GTF2F2: variants seen among roughly 807,000 people sequenced by gnomAD.
GTF2F2 encodes general transcription factor IIF subunit 2.
GTF2F2 carries 23 observed loss-of-function variants against 42.2 expected under a neutral mutation model. That is an observed-to-expected ratio of 0.55 (90% confidence interval 0.39 to 0.77). The LOEUF is 0.77. GTF2F2 is among the 30% of genes least tolerant of loss of function. GTF2F2 has a pLI of 0.00. For synonymous variants in GTF2F2, 105 were observed against 100.8 expected, an observed-to-expected ratio of 1.04 and a Z score of -0.25; for missense variants, 261 against 287.2, an observed-to-expected ratio of 0.91 and a Z score of 0.66.
chr13:45,154,938 G>A (rs980072255), intron 4 of GTF2F2, among the ~76,000 whole-genome samples: 5 of 152,144 alleles, frequency 3.3e-5, no homozygotes. Flanking sequence ...AGAATTCTTA[G>A]TAGTTTATCT....
intron 6 of GTF2F2, among the ~76,000 whole-genome samples, chr13:45,254,097 G>A (rs1875994156): frequency 6.6e-6 from 1 of 151,282 alleles, no homozygotes; most frequent in Non-Finnish European, 1.5e-5. Flanking sequence ...GAAAGAAGAA[G>A]AGTGAGTACA....
intron 5 of GTF2F2, among the ~76,000 whole-genome samples, chr13:45,251,727 T>C (rs1875886330): frequency 1.3e-5 from 2 of 152,282 alleles, no homozygotes; most frequent in Non-Finnish European, 2.9e-5. Flanking sequence ...GAGTAGTTTC[T>C]CAGTGAGGAT....
intron 6 of GTF2F2, among the ~76,000 whole-genome samples, chr13:45,264,429 G>T (rs1359361794): frequency 1.3e-5 from 2 of 151,980 alleles, no homozygotes; most frequent in African/African-American, 4.8e-5. Flanking sequence ...ATACAGGCGT[G>T]TGCCACCACG....
chr13:45,137,488 G>A (rs908728874), intron 2 of GTF2F2, among the ~76,000 whole-genome samples: 9 of 152,328 alleles, frequency 5.9e-5, no homozygotes, highest in Middle Eastern at 3.4e-3. Flanking sequence ...TAGTGGCTTA[G>A]AACAAAAGCC....
At position 45,207,423 on chromosome 13, in the gene GTF2F2, G is replaced by A. The variant is rs761688676; in HGVS notation, c.305-1G>A. The A allele has an allele frequency of 1.3e-6, 2 of 1,583,170 alleles. No individual in the cohort carries two copies. The highest frequency in any genetic ancestry group is 1.7e-5 in the Admixed American group (1 of 59,440). On this transcript the variant is annotated splice_acceptor_variant, in intron 4 of 7. Transcript: ENST00000340473. LOFTEE classifies it high-confidence loss of function. ...TGAATCCTTTTTTTTTTCCATTCAA[G>A]ATAAGCTGTCATTGGAAGGAATAGT...
intron 5 of GTF2F2, among the ~76,000 whole-genome samples, chr13:45,243,399 G>T (rs923005896): frequency 1.3e-5 from 2 of 152,146 alleles, no homozygotes; most frequent in Non-Finnish European, 2.9e-5. Context: ...AACTCCGAGA[G>T]ATCTAGGTTG....
At chr13:45,219,053 G>A (rs1048281617) in intron 5 of GTF2F2, among the ~76,000 whole-genome samples, 1 of 151,984 alleles carries the variant, frequency 6.6e-6, no homozygotes, top group Non-Finnish European at 1.5e-5. Flanking sequence ...TAAAAAAAAG[G>A]CTGCTCAAAG....
intron 4 of GTF2F2, among the ~76,000 whole-genome samples, chr13:45,203,797 G>T (rs901305422): frequency 4.6e-5 from 7 of 152,122 alleles, no homozygotes; most frequent in African/African-American, 1.7e-4. Flanking sequence ...AGGCAGTTGA[G>T]AGCCTTTGTT....
At chr13:45,123,647 AC>A (rs1238031431) in intron 1 of GTF2F2, among the ~76,000 whole-genome samples, 1 of 151,116 alleles carries the variant, frequency 6.6e-6, no homozygotes, top group Non-Finnish European at 1.5e-5. Context: ...AAAAAAAAAA[AC>A]AACCAAAACC....
intron 1 of GTF2F2, among the ~76,000 whole-genome samples, chr13:45,127,938 CTT>C (rs1161627204): frequency 0.033 from 1,590 of 48,470 alleles, 23 homozygotes; most frequent in African/African-American, 0.12. Flanking sequence ...GCACCCCGGC[CTT>C]TTTTTTTTTT....
At chr13:45,170,251 C>T (rs944384426) in intron 4 of GTF2F2, among the ~76,000 whole-genome samples, 1 of 151,724 alleles carries the variant, frequency 6.6e-6, no homozygotes, top group East Asian at 1.9e-4. Context: ...TGGTCTCAGA[C>T]CCCCCCTGCC....
At position 45,244,578 on chromosome 13, in the gene GTF2F2, A is replaced by G. The variant is rs370936557; in HGVS notation, c.387-8293A>G. Among the ~76,000 whole-genome samples, 7 of 152,338 alleles carry G rather than the reference A, an allele frequency of 4.6e-5. No individual in the cohort carries two copies. The East Asian group carries it at 5.8e-4, about 13-fold the overall frequency. On this transcript the variant is annotated intron_variant, in intron 5 of 7. Transcript: ENST00000340473. The stretch of plus-strand genomic sequence containing the variant: ...TAATAATAGAAAGACTAGTAATTCA[A>G]GAAGTTGATCTTGACTGTTTCCTTA...
intron 1 of GTF2F2, among the ~76,000 whole-genome samples, chr13:45,126,841 G>C (rs564170560): frequency 1.3e-5 from 2 of 152,298 alleles, no homozygotes; most frequent in East Asian, 1.9e-4. Flanking sequence ...GTCAAGGGAG[G>C]TTTCCTTGAG....
chr13:45,205,767 C>T (rs1873388113), intron 4 of GTF2F2, among the ~76,000 whole-genome samples: 1 of 152,164 alleles, frequency 6.6e-6, no homozygotes, highest in Admixed American at 6.5e-5. Context: ...ATCTGCCTGC[C>T]TCGGCCTCCC....
At chr13:45,212,463 C>CTTTTCTTTCT (rs376424917) in intron 5 of GTF2F2, among the ~76,000 whole-genome samples, 1 of 27,486 alleles carries the variant, frequency 3.6e-5, no homozygotes, top group Non-Finnish European at 7.6e-5. Flanking sequence ...TTCTTTCTTT[C>CTTTTCTTTCT]TTTCTTTCTT....
chr13:45,230,027 C>T (rs917389541), intron 5 of GTF2F2, among the ~76,000 whole-genome samples: 1 of 151,974 alleles, frequency 6.6e-6, no homozygotes, highest in East Asian at 1.9e-4. Flanking sequence ...ACCAGCCTGG[C>T]CAACATGGTG....
intron 4 of GTF2F2, among the ~76,000 whole-genome samples, chr13:45,153,158 C>T (rs1047332652): frequency 2.3e-4 from 35 of 151,726 alleles, no homozygotes; most frequent in African/African-American, 8.2e-4. Flanking sequence ...TACAGGTGCC[C>T]GCCACCATGC....
chr13:45,213,982 G>T (rs888824264), intron 5 of GTF2F2, among the ~76,000 whole-genome samples: 6 of 152,142 alleles, frequency 3.9e-5, no homozygotes. Context: ...AGGACTAGAA[G>T]AGAAAGGCTT....
intron 4 of GTF2F2, among the ~76,000 whole-genome samples, chr13:45,195,143 C>T (rs1341663033): frequency 2.0e-5 from 3 of 152,072 alleles, no homozygotes; most frequent in Non-Finnish European, 2.9e-5. Flanking sequence ...TTTTGAGACA[C>T]AAATAAGAAT....
Sources: gnomAD v4.1 joint callset for allele counts (sites outside exome capture counted in the v4.1 genomes callset) on GRCh38, gnomAD v4.1.1 for gene constraint, MANE v1.5 for transcripts, NCBI Gene and HGNC (gene_info 2026-07-23, HGNC 2026-07-21) for gene names.